ARHGAP26: variants seen among roughly 807,000 people sequenced by gnomAD.
ARHGAP26 encodes the protein rho GTPase-activating protein 26.
A neutral mutation model predicts 104.8 loss-of-function variants in ARHGAP26; 38 were observed. That is an observed-to-expected ratio of 0.36 (90% CI 0.28 to 0.48). ARHGAP26 has a LOEUF of 0.48. ARHGAP26 is among the 20% of genes least tolerant of loss of function. The pLI, the probability that ARHGAP26 is intolerant of heterozygous loss-of-function variation, is 0.99. For synonymous variants in ARHGAP26, 341 were observed against 340.0 expected (o/e 1.00, Z -0.03); for missense variants, 704 against 947.9 (o/e 0.74, Z 3.38).
chr5:142,983,455 CT>C (rs1251766773), intron 11 of ARHGAP26, among the ~76,000 whole-genome samples: 1 of 152,194 alleles, frequency 6.6e-6, no homozygotes, highest in African/African-American at 2.4e-5. Flanking sequence ...ATCTGCCCTC[CT>C]CGGCCTCTCA....
intron 17 of ARHGAP26, among the ~76,000 whole-genome samples, chr5:143,083,024 C>T (rs1598931897): frequency 6.6e-6 from 1 of 152,186 alleles, no homozygotes; most frequent in East Asian, 1.9e-4. Context: ...TGGACCATAT[C>T]GATGAGTTAG....
chr5:143,194,452 G>A (rs1300324779), intron 20 of ARHGAP26, among the ~76,000 whole-genome samples: 5 of 152,112 alleles, frequency 3.3e-5, no homozygotes, highest in African/African-American at 7.2e-5. Flanking sequence ...TTTGAATTTC[G>A]AAATGTTCAC....
intron 9 of ARHGAP26, among the ~76,000 whole-genome samples, chr5:142,912,798 G>A (rs1475897693): frequency 1.3e-5 from 2 of 152,126 alleles, no homozygotes; most frequent in Admixed American, 6.5e-5. Flanking sequence ...ACACGTTCTG[G>A]GGATATTTGT....
intron 20 of ARHGAP26, among the ~76,000 whole-genome samples, chr5:143,157,706 A>G (rs1269917069): frequency 6.6e-6 from 1 of 152,196 alleles, no homozygotes; most frequent in Non-Finnish European, 1.5e-5. Flanking sequence ...TGGCATTACT[A>G]TGGTAGAGAT....
chr5:143,179,158 C>T (rs193088184), intron 20 of ARHGAP26, among the ~76,000 whole-genome samples: 20 of 152,288 alleles, frequency 1.3e-4, no homozygotes, highest in South Asian at 6.2e-4. Flanking sequence ...CGTGAGCCAC[C>T]GCGCCCAGCC....
intron 17 of ARHGAP26, 73 bp downstream of exon 17, chr5:143,057,820 A>G (rs1786057060): frequency 1.6e-6 from 2 of 1,285,408 alleles, no homozygotes; most frequent in Admixed American, 1.7e-5. Context: ...AGCTGGTCTC[A>G]GTTCTGCTTT....
At chr5:143,129,446 A>G (rs1797076194) in intron 18 of ARHGAP26, among the ~76,000 whole-genome samples, 1 of 152,198 alleles carries the variant, frequency 6.6e-6, no homozygotes, top group Non-Finnish European at 1.5e-5. Flanking sequence ...AGCGCTAGTA[A>G]GTGACTAAAA....
chr5:143,035,386 C>A (rs1782463466), intron 12 of ARHGAP26, among the ~76,000 whole-genome samples: 1 of 152,158 alleles, frequency 6.6e-6, no homozygotes, highest in Non-Finnish European at 1.5e-5. Flanking sequence ...ATGGCATTTG[C>A]TGCTACCTGG....
intron 1 of ARHGAP26, among the ~76,000 whole-genome samples, chr5:142,829,547 A>G (rs1366334345): frequency 6.6e-6 from 1 of 152,248 alleles, no homozygotes; most frequent in Non-Finnish European, 1.5e-5. Context: ...GGCACCTCAC[A>G]TCACCATTGT....
chr5:143,125,241 T>C (rs914535659), intron 18 of ARHGAP26, among the ~76,000 whole-genome samples: 6 of 152,222 alleles, frequency 3.9e-5, no homozygotes, highest in Non-Finnish European at 7.3e-5. Flanking sequence ...TGCCTACCTG[T>C]CTTTCTGTTG....
intron 22 of ARHGAP26, among the ~76,000 whole-genome samples, chr5:143,217,843 A>T (rs990157790): frequency 3.9e-5 from 6 of 152,254 alleles, no homozygotes; most frequent in Non-Finnish European, 5.9e-5. Flanking sequence ...TTCACATAGC[A>T]GCAAGAGTCA....
At chr5:142,903,484 A>G (rs999129568) in intron 7 of ARHGAP26, 56 bp from the exon 8 acceptor site, 2 of 1,572,752 alleles carry the variant, frequency 1.3e-6, no homozygotes, top group Non-Finnish European at 1.7e-6. Context: ...GTTGATCTGG[A>G]TTGTTAAAAC....
chr5:142,996,190 TA>T (rs1344074085), intron 11 of ARHGAP26, among the ~76,000 whole-genome samples: 2 of 152,034 alleles, frequency 1.3e-5, no homozygotes, highest in African/African-American at 4.8e-5. Context: ...TAAAGTATAA[TA>T]AAAAATGAAA....
chr5:142,806,472 AATGTGTGTGTGTGT>A (rs1240506734), intron 1 of ARHGAP26, among the ~76,000 whole-genome samples: 1 of 73,436 alleles, frequency 1.4e-5, no homozygotes, highest in African/African-American at 6.2e-5. Context: ...TAGGCAATGA[AATGTGTGTGTGTGT>A]GTGTGTGTGT....
At chr5:142,786,646 GT>G (rs1275027123) in intron 1 of ARHGAP26, among the ~76,000 whole-genome samples, 1 of 144,332 alleles carries the variant, frequency 6.9e-6, no homozygotes, top group Non-Finnish European at 1.5e-5. Context: ...GATTTCTGGA[GT>G]TCTAGAATTT....
rs149276423 is a variant in ARHGAP26 at position 142,885,608 on chromosome 5, G to T, written c.486+209G>T. ...CCCATCCTTTGTAGCCTTCCCGCCTGTCAAGGTGGAAGACACTGCTGGCCG... is the reference window on the plus strand; with the variant it reads ...CCCATCCTTTGTAGCCTTCCCGCCTTTCAAGGTGGAAGACACTGCTGGCCG... On this transcript the variant is annotated intron_variant, in intron 5 of 22. Transcript: ENST00000645722. Among the ~76,000 whole-genome samples the T allele has an allele frequency of 7.0e-4, 107 of 152,294 alleles. 2 individuals are homozygous for T. Among genetic ancestry groups the T allele is most frequent in the African/African-American group, 2.3e-3 (96 of 41,564 alleles).
rs921740990 is a variant in ARHGAP26, at chr5:143,207,062, C to T, written c.1989-136C>T. 4.0e-5 allele frequency: 40 copies of T among 988,248 alleles called. No homozygotes were observed. The African/African-American group carries it at 5.0e-4, about 12-fold the overall frequency. The allele number at this position is 988,248 out of a possible 1,614,324, so 61.2% of individuals were successfully genotyped here. A position where few individuals can be genotyped will look rare whatever the true frequency, so the allele number is the denominator to read the frequency against. Reference sequence around the variant, plus strand: ...TTGGTCTGGAGGAATGTGACATGGCCCTGACAGCACATCCCTGGGTTTCGG... The same window carrying T: ...TTGGTCTGGAGGAATGTGACATGGCTCTGACAGCACATCCCTGGGTTTCGG... On this transcript the variant is annotated intron_variant, in intron 20 of 22. Coordinates refer to ENST00000645722, the MANE Select transcript of ARHGAP26 (RefSeq NM_001135608.3).
At chr5:143,031,692 A>T (rs911970292) in intron 12 of ARHGAP26, among the ~76,000 whole-genome samples, 2 of 151,846 alleles carry the variant, frequency 1.3e-5, no homozygotes, top group African/African-American at 4.8e-5. Flanking sequence ...TTATGCTAAA[A>T]TCCATGTCTG....
intron 11 of ARHGAP26, among the ~76,000 whole-genome samples, chr5:142,963,459 A>C (rs570139316): frequency 6.6e-6 from 1 of 152,120 alleles, no homozygotes; most frequent in South Asian, 2.1e-4. Context: ...TGGTTGAACT[A>C]ATTTACACTC....
Sources: allele counts gnomAD v4.1 joint callset (sites outside exome capture counted in the v4.1 genomes callset), GRCh38; gene constraint gnomAD v4.1.1; transcripts MANE v1.5; gene names NCBI Gene and HGNC (gene_info 2026-07-23, HGNC 2026-07-21).